C10orf67: variants seen among roughly 807,000 people sequenced by gnomAD.
C10orf67 encodes chromosome 10 open reading frame 67.
Under a neutral mutation model 35.6 loss-of-function variants are expected in C10orf67, and 60 were observed. The ratio of observed to expected loss-of-function variants is 1.68; its 90% CI spans 1.37 to 2.09. The LOEUF (loss-of-function observed/expected upper bound fraction) is 2.09. C10orf67 is among the 30% of genes most tolerant of loss of function. The probability of loss-of-function intolerance (pLI) is 0.00; values close to 1 mark genes in which losing one functional copy is unlikely to be tolerated. For synonymous variants in C10orf67, 167 were observed against 115.8 expected (o/e 1.44, Z -2.84); for missense variants, 474 against 330.2 (o/e 1.44, Z -3.38).
intron 8 of C10orf67, among the ~76,000 whole-genome samples, chr10:23,278,826 T>C (rs549492317): frequency 6.6e-6 from 1 of 152,298 alleles, no homozygotes; most frequent in African/African-American, 2.4e-5. Flanking sequence ...AAGAGAGAAA[T>C]CTACCTGCTG....
intron 2 of C10orf67, among the ~76,000 whole-genome samples, chr10:23,330,138 T>C (rs1371415757): frequency 6.6e-6 from 1 of 152,172 alleles, no homozygotes; most frequent in African/African-American, 2.4e-5. Context: ...TTAACATTTG[T>C]ATCAGATTTT....
At position 23,289,931 on chromosome 10, in the gene C10orf67, A is replaced by G. The variant is rs1843666562; in HGVS notation, c.878T>C (p.Met293Thr). ...LEDELISMKE[M>T]AEKDHKTIQK... ...AATAGTTTTGTGATCCTTTTCTGCCATCTCTTTCATACTTATAAGTTCATC... is the reference window on the plus strand; with the variant it reads ...AATAGTTTTGTGATCCTTTTCTGCCGTCTCTTTCATACTTATAAGTTCATC... Residue 293 changes from methionine to threonine, a missense_variant, in exon 7 of 16, where the codon ATG (methionine) becomes ACG (threonine). Coordinates refer to ENST00000636213, the MANE Select transcript of C10orf67 (RefSeq NM_001371909.1). The G allele has an allele frequency of 1.4e-6, 1 of 717,054 alleles. No homozygotes were observed. The highest frequency in any genetic ancestry group is 2.6e-6 in the Non-Finnish European group (1 of 384,938). The allele number at this position is 717,054 out of a possible 1,614,324, so 44.4% of individuals were successfully genotyped here.
chr10:23,275,827 T>C (rs1843171774), intron 8 of C10orf67, among the ~76,000 whole-genome samples: 1 of 152,190 alleles, frequency 6.6e-6, no homozygotes, highest in Admixed American at 6.5e-5. Flanking sequence ...TTTTGAGGTT[T>C]TAAAAAAGTT....
At chr10:23,336,368 T>C (rs556498215) in intron 1 of C10orf67, among the ~76,000 whole-genome samples, 1 of 152,318 alleles carries the variant, frequency 6.6e-6, no homozygotes, top group South Asian at 2.1e-4. Context: ...CACATATATA[T>C]GTGAACATAT....
chr10:23,300,899 G>A (rs904928240), intron 5 of C10orf67, among the ~76,000 whole-genome samples: 2 of 152,154 alleles, frequency 1.3e-5, no homozygotes, highest in Non-Finnish European at 2.9e-5. Flanking sequence ...CAGTTATGAC[G>A]GCACTTCTCT....
At chr10:23,270,455 C>G (rs1386738839) in intron 8 of C10orf67, among the ~76,000 whole-genome samples, 1 of 152,190 alleles carries the variant, frequency 6.6e-6, no homozygotes, top group African/African-American at 2.4e-5. Flanking sequence ...GGCAGACTAG[C>G]TGCTCAGGCA....
At chr10:23,329,807 A>AAAAAAAAG (rs1461075715) in intron 2 of C10orf67, among the ~76,000 whole-genome samples, 1 of 149,878 alleles carries the variant, frequency 6.7e-6, no homozygotes, top group African/African-American at 2.4e-5. Context: ...CAAAAAAAAA[A>AAAAAAAAG]AAAAAAAAAG....
chr10:23,282,162 T>C, intron 7 of C10orf67, 84 bp from the exon 8 acceptor site: 1 of 395,650 alleles, frequency 2.5e-6, no homozygotes, highest in East Asian at 3.8e-5. Context: ...TAGTGAAACA[T>C]ATTTTAATAT....
chr10:23,276,315 G>C (rs1012179193), intron 8 of C10orf67, among the ~76,000 whole-genome samples: 1 of 152,070 alleles, frequency 6.6e-6, no homozygotes, highest in Admixed American at 6.6e-5. Context: ...AAATGGCTCA[G>C]GGGGGGATAA....
intron 8 of C10orf67, among the ~76,000 whole-genome samples, chr10:23,267,882 C>T (rs1036056608): frequency 2.7e-5 from 4 of 147,048 alleles, no homozygotes; most frequent in Admixed American, 2.0e-4. Context: ...GCCTGGGCAA[C>T]AAGAGTGAAA....
intron 13 of C10orf67, among the ~76,000 whole-genome samples, chr10:23,225,243 C>T (rs1208952205): frequency 1.4e-4 from 21 of 152,098 alleles, no homozygotes; most frequent in African/African-American, 5.1e-4. Flanking sequence ...TAATTTTCAA[C>T]CCAGAATTTC....
At chr10:23,329,080 T>C (rs181801774) in intron 2 of C10orf67, among the ~76,000 whole-genome samples, 30 of 131,082 alleles carry the variant, frequency 2.3e-4, no homozygotes, top group Non-Finnish European at 3.2e-4. Context: ...ATAATAAATA[T>C]AGGGAAATAA....
intron 8 of C10orf67, among the ~76,000 whole-genome samples, chr10:23,278,126 A>T (rs1843250204): frequency 6.6e-6 from 1 of 152,116 alleles, no homozygotes. Flanking sequence ...TGAGGCCCCC[A>T]CTCCAACATT....
intron 12 of C10orf67, among the ~76,000 whole-genome samples, chr10:23,248,630 A>G (rs998821151): frequency 1.3e-5 from 2 of 152,196 alleles, no homozygotes; most frequent in Non-Finnish European, 2.9e-5. Context: ...TGAAATTACC[A>G]TGTTAGCCCA....
chr10:23,233,107 T>C (rs1841956636), intron 13 of C10orf67, among the ~76,000 whole-genome samples: 1 of 152,154 alleles, frequency 6.6e-6, no homozygotes, highest in Non-Finnish European at 1.5e-5. Flanking sequence ...CAGTGAGCTA[T>C]GATCATGTTA....
At chr10:23,226,500 A>C (rs1421630747) in intron 13 of C10orf67, among the ~76,000 whole-genome samples, 1 of 152,182 alleles carries the variant, frequency 6.6e-6, no homozygotes, top group Non-Finnish European at 1.5e-5. Flanking sequence ...AAGATCTAAA[A>C]TTGACACCCC....
intron 12 of C10orf67, among the ~76,000 whole-genome samples, chr10:23,240,065 C>A (rs1588606272): frequency 6.6e-6 from 1 of 152,040 alleles, no homozygotes; most frequent in Non-Finnish European, 1.5e-5. Context: ...GTGGTACATG[C>A]CTGTAGTCCC....
At chr10:23,239,412 G>A (rs147014565) in intron 13 of C10orf67, among the ~76,000 whole-genome samples, 191 of 152,168 alleles carry the variant, frequency 1.3e-3, no homozygotes, top group African/African-American at 4.6e-3. Flanking sequence ...TATTACATCC[G>A]TGGCCACAAA....
At chr10:23,314,928 GA>G (rs1359426732) in intron 4 of C10orf67, among the ~76,000 whole-genome samples, 5 of 150,914 alleles carry the variant, frequency 3.3e-5, no homozygotes, top group African/African-American at 9.7e-5. Context: ...GTTCATAGCT[GA>G]AAAAAAAAGT....
Sources: allele counts gnomAD v4.1 joint callset (sites outside exome capture counted in the v4.1 genomes callset), GRCh38; gene constraint gnomAD v4.1.1; transcripts MANE v1.5; gene names NCBI Gene and HGNC (gene_info 2026-07-23, HGNC 2026-07-21).